Variants in SRRM4 observed in about 807,000 individuals in gnomAD.
The protein encoded by SRRM4 is serine/arginine repetitive matrix protein 4.
A neutral mutation model predicts 68.9 loss-of-function variants in SRRM4; 33 were observed. The ratio of observed to expected loss-of-function variants is 0.48; its 90% confidence interval spans 0.36 to 0.64. The LOEUF (loss-of-function observed/expected upper bound fraction) is 0.64, where lower values mean the gene tolerates loss of function less well. Ranked by LOEUF, SRRM4 falls within the 30% of genes least tolerant of loss-of-function variation. SRRM4 has a pLI of 0.00. For missense variants in SRRM4, 817 were observed against 827.1 expected (o/e 0.99, Z 0.15); for synonymous variants, 318 against 318.8 (o/e 1.00, Z 0.03).
At chr12:118,990,129 G>A in intron 1 of SRRM4, among the ~76,000 whole-genome samples, 1 of 152,206 alleles carries the variant, frequency 6.6e-6, no homozygotes, top group East Asian at 1.9e-4. Flanking sequence ...TTTTACAGAT[G>A]AGAAAACAGA....
At chr12:119,069,964 GA>G (rs961011493) in intron 1 of SRRM4, among the ~76,000 whole-genome samples, 4 of 152,136 alleles carry the variant, frequency 2.6e-5, no homozygotes, top group Admixed American at 6.5e-5. Flanking sequence ...GAGCCAGGTG[GA>G]GACTAACGTG....
intron 1 of SRRM4, among the ~76,000 whole-genome samples, chr12:119,036,399 T>C (rs1241757020): frequency 6.6e-6 from 1 of 152,204 alleles, no homozygotes; most frequent in African/African-American, 2.4e-5. Context: ...GTTCTGAGCA[T>C]ACGGTGGCTT....
At chr12:119,080,942 A>G (rs1953944143) in intron 1 of SRRM4, among the ~76,000 whole-genome samples, 1 of 152,210 alleles carries the variant, frequency 6.6e-6, no homozygotes, top group Admixed American at 6.5e-5. Context: ...ACAAGCCCCA[A>G]TCCGCACCTT....
intron 9 of SRRM4, among the ~76,000 whole-genome samples, chr12:119,146,707 C>A (rs922768380): frequency 6.6e-6 from 1 of 152,058 alleles, no homozygotes; most frequent in Non-Finnish European, 1.5e-5. Context: ...GAGGCCGAGG[C>A]GGGTGGATCA....
At chr12:119,036,383 C>A (rs960985069) in intron 1 of SRRM4, among the ~76,000 whole-genome samples, 4 of 152,180 alleles carry the variant, frequency 2.6e-5, no homozygotes, top group African/African-American at 9.7e-5. Flanking sequence ...TGCTTCCAGG[C>A]CCATCGTTCT....
intron 1 of SRRM4, among the ~76,000 whole-genome samples, chr12:119,051,931 A>T (rs1362730114): frequency 2.0e-5 from 3 of 152,240 alleles, no homozygotes; most frequent in African/African-American, 7.2e-5. Flanking sequence ...CTACCTAGGT[A>T]ACCATGGGCA....
At chr12:119,061,061 G>A (rs948415675) in intron 1 of SRRM4, among the ~76,000 whole-genome samples, 1 of 152,124 alleles carries the variant, frequency 6.6e-6, no homozygotes, top group Non-Finnish European at 1.5e-5. Flanking sequence ...GTGTGTGTGT[G>A]TGGGCATGTG....
intron 1 of SRRM4, among the ~76,000 whole-genome samples, chr12:119,056,137 G>A (rs529196433): frequency 6.6e-6 from 1 of 152,306 alleles, no homozygotes; most frequent in African/African-American, 2.4e-5. Flanking sequence ...ACAAGGCCCA[G>A]AATAGCCATG....
At chr12:119,036,618 G>A (rs1198509228) in intron 1 of SRRM4, among the ~76,000 whole-genome samples, 1 of 152,144 alleles carries the variant, frequency 6.6e-6, no homozygotes, top group Non-Finnish European at 1.5e-5. Flanking sequence ...GACCACCAGT[G>A]GAAGGAAATG....
Position 119,157,277 on chromosome 12 carries a change from A to C in SRRM4, c.*479A>C. ...CTGAGAGGGGTGAAAGAGGAGACCA[A>C]TGGCAGTTCAGGTTCAAGATAACGG... is the stretch of plus-strand genomic sequence containing the variant. On this transcript the variant is annotated 3_prime_UTR_variant, in exon 13 of 13. Coordinates refer to ENST00000267260, the MANE Select transcript of SRRM4 (RefSeq NM_194286.4). The surrounding 1 kb of genome is among the most constrained non-coding windows in gnomAD (Gnocchi z 4.1). The C allele has an allele frequency of 6.3e-6, 1 of 159,696 alleles. No homozygotes were observed. The highest frequency in any genetic ancestry group is 1.4e-5 in the Non-Finnish European group (1 of 72,766). 9.9% of individuals were successfully genotyped at this position (159,696 alleles called of 1,614,324 possible). A position where few individuals can be genotyped will look rare whatever the true frequency, so the allele number is the denominator to read the frequency against.
Position 119,154,822 on chromosome 12 carries a change from A to C in SRRM4, c.1532+439A>C, listed in dbSNP as rs1045310554. Among the ~76,000 whole-genome samples, 6 of 152,234 alleles carry C rather than the reference A, an allele frequency of 3.9e-5. No individual in the cohort carries two copies. The highest frequency in any genetic ancestry group is 1.4e-4 in the African/African-American group (6 of 41,468). ...CCTCTACCCTCAGACCTGTACACTC[A>C]GCTGTCAGGCTTAAATAAACCTATA... On this transcript the variant is annotated intron_variant, in intron 12 of 12. Coordinates refer to ENST00000267260, the MANE Select transcript of SRRM4 (RefSeq NM_194286.4). This position sits in a 1 kb window ranked among gnomAD's most constrained non-coding sequence, Gnocchi z 4.7.
At chr12:118,996,190 A>G (rs945341282) in intron 1 of SRRM4, among the ~76,000 whole-genome samples, 2 of 152,122 alleles carry the variant, frequency 1.3e-5, no homozygotes, top group African/African-American at 4.8e-5. Flanking sequence ...CACAGGAATA[A>G]AGTTAAACCT....
chr12:119,012,867 G>A (rs1953458857), intron 1 of SRRM4, among the ~76,000 whole-genome samples: 1 of 151,952 alleles, frequency 6.6e-6, no homozygotes, highest in Non-Finnish European at 1.5e-5. Flanking sequence ...CATCTTCATT[G>A]ACTCCTACCC....
intron 1 of SRRM4, among the ~76,000 whole-genome samples, chr12:119,004,564 A>G (rs1953404499): frequency 6.6e-6 from 1 of 151,976 alleles, no homozygotes; most frequent in Non-Finnish European, 1.5e-5. Context: ...TGCAGCTCAC[A>G]GATGGATTGA....
chr12:119,052,975 G>A (rs778197008), intron 1 of SRRM4, among the ~76,000 whole-genome samples: 105 of 152,314 alleles, frequency 6.9e-4, no homozygotes, highest in Non-Finnish European at 1.2e-3. Flanking sequence ...GATTTGAGGT[G>A]GCTGCATAGA....
At position 119,158,831 on chromosome 12, in the gene SRRM4, A is replaced by G. The variant is rs1309533989; in HGVS notation, c.*2033A>G. ...CGTTCGGACTGCCTTCATCAAGACAACTCTAGGGGACCATTTTGCCTGGGG... is the reference window on the plus strand; with the variant it reads ...CGTTCGGACTGCCTTCATCAAGACAGCTCTAGGGGACCATTTTGCCTGGGG... On this transcript the variant is annotated 3_prime_UTR_variant, in exon 13 of 13. Coordinates refer to ENST00000267260, the MANE Select transcript of SRRM4 (RefSeq NM_194286.4). 2 of 152,428 alleles carry G rather than the reference A, an allele frequency of 1.3e-5. No individual in the cohort carries two copies. The highest frequency in any genetic ancestry group is 4.8e-5 in the African/African-American group (2 of 41,388). 9.4% of individuals were successfully genotyped at this position (152,428 alleles called of 1,614,324 possible). A position where few individuals can be genotyped will look rare whatever the true frequency, so the allele number is the denominator to read the frequency against.
At chr12:119,053,358 A>T (rs1953756764) in intron 1 of SRRM4, among the ~76,000 whole-genome samples, 1 of 152,224 alleles carries the variant, frequency 6.6e-6, no homozygotes, top group African/African-American at 2.4e-5. Context: ...ATAATAAGCA[A>T]ATAATAGTAT....
At chr12:119,139,808 CT>C (rs1360164086) in intron 8 of SRRM4, among the ~76,000 whole-genome samples, 2 of 152,138 alleles carry the variant, frequency 1.3e-5, no homozygotes, top group Non-Finnish European at 2.9e-5. Context: ...TGTACTATCT[CT>C]TTTCTAATCT....
Position 118,985,188 on chromosome 12 carries a change from AG to A in SRRM4, c.131+3176del, listed in dbSNP as rs757946928. Among the ~76,000 whole-genome samples, 6 of 152,196 alleles carry A rather than the reference AG, an allele frequency of 3.9e-5. No individual in the cohort carries two copies. In the East Asian group the frequency reaches 9.6e-4, roughly 24 times the overall value. On this transcript the variant is annotated intron_variant, in intron 1 of 12. Transcript: ENST00000267260. ...CTGATGGACAACTACATTCAGATGA[AG>A]TTAACACACATGAGGCAGGGTAGAG...
Sources: allele counts gnomAD v4.1 joint callset (sites outside exome capture counted in the v4.1 genomes callset), GRCh38; gene constraint gnomAD v4.1.1; non-coding constraint Gnocchi (gnomAD v3.1); transcripts MANE v1.5; gene names NCBI Gene and HGNC (gene_info 2026-07-23, HGNC 2026-07-21).